ZFHX4: variants seen among roughly 807,000 people sequenced by gnomAD.
The protein encoded by ZFHX4 is zinc finger homeobox 4.
ZFHX4 carries 56 observed loss-of-function variants against 267.6 expected under a neutral mutation model. The observed-to-expected ratio is 0.21, with a 90% CI of 0.17 to 0.26. The LOEUF is 0.26. ZFHX4 is among the 10% of genes least tolerant of loss of function. ZFHX4 has a pLI of 1.00. For missense variants in ZFHX4, 4,332 were observed against 4,420.0 expected (o/e 0.98, Z 0.56); for synonymous variants, 1,778 against 1,665.6 (o/e 1.07, Z -1.64).
intron 3 of ZFHX4, among the ~76,000 whole-genome samples, chr8:76,752,438 T>C (rs950137733): frequency 6.7e-5 from 9 of 133,414 alleles, no homozygotes; most frequent in Non-Finnish European, 1.2e-4. Flanking sequence ...GGTCAGGAGT[T>C]CAAGACCAGC....
chr8:76,830,548 T>C (rs1409699660), intron 4 of ZFHX4, among the ~76,000 whole-genome samples: 2 of 152,200 alleles, frequency 1.3e-5, no homozygotes, highest in African/African-American at 4.8e-5. Flanking sequence ...TATAGATTCA[T>C]CATTTCATTT....
chr8:76,686,613 C>T (rs1048519222), intron 1 of ZFHX4, among the ~76,000 whole-genome samples: 2 of 152,000 alleles, frequency 1.3e-5, no homozygotes, highest in Non-Finnish European at 2.9e-5. Context: ...GCTGCTGACT[C>T]CTTTTCCCTT....
chr8:76,773,077 A>C (rs1810310098), intron 3 of ZFHX4, among the ~76,000 whole-genome samples: 1 of 152,128 alleles, frequency 6.6e-6, no homozygotes, highest in Non-Finnish European at 1.5e-5. Flanking sequence ...CGTCATCTGG[A>C]TCTTCAATGT....
intron 4 of ZFHX4, among the ~76,000 whole-genome samples, chr8:76,827,659 C>G (rs1811821852): frequency 1.3e-5 from 2 of 152,096 alleles, no homozygotes; most frequent in Admixed American, 6.5e-5. Flanking sequence ...TTTATTGAAA[C>G]TAATTTATAT....
chr8:76,706,739 G>T (rs922300273), intron 2 of ZFHX4, 61 bp downstream of exon 2: 2 of 1,449,128 alleles, frequency 1.4e-6, no homozygotes, highest in Non-Finnish European at 1.8e-6. Context: ...GATTTGGCGT[G>T]ATGCACCCAG....
At chr8:76,777,726 G>A (rs1023799959) in intron 3 of ZFHX4, among the ~76,000 whole-genome samples, 1 of 151,988 alleles carries the variant, frequency 6.6e-6, no homozygotes, top group African/African-American at 2.4e-5. Context: ...AATACCAAAT[G>A]CCATGCAATT....
At chr8:76,715,048 A>G (rs893669278) in intron 3 of ZFHX4, among the ~76,000 whole-genome samples, 2 of 152,184 alleles carry the variant, frequency 1.3e-5, no homozygotes, top group African/African-American at 4.8e-5. Context: ...TTGCATAGCA[A>G]GACTTTATTT....
intron 3 of ZFHX4, among the ~76,000 whole-genome samples, chr8:76,749,572 T>A (rs768083030): frequency 3.9e-5 from 6 of 152,218 alleles, no homozygotes; most frequent in Non-Finnish European, 8.8e-5. Flanking sequence ...TTCATGATTC[T>A]TTTTGAATGG....
In ZFHX4 at chr8:76,851,332, G is replaced by T; in HGVS notation, c.4411G>T (p.Ala1471Ser). Residue 1471 changes from alanine to serine, a missense_variant, in exon 10 of 11, where the codon GCA becomes TCA. Coordinates refer to ENST00000651372, the MANE Select transcript of ZFHX4 (RefSeq NM_024721.5). The part of the protein sequence containing the change: ...ASLPVNGELW[A>S]ESETMSQDDH... ...CTTGCCCGTGAATGGAGAACTGTGG[G>T]CAGAGAGCGAAACTATGTCCCAGGA... 2 of 1,613,730 alleles carry T rather than the reference G, an allele frequency of 1.2e-6. No homozygotes were observed. Among genetic ancestry groups the T allele is most frequent in the Non-Finnish European group, 1.7e-6 (2 of 1,179,810 alleles).
chr8:76,780,880 A>T (rs1242108385), intron 4 of ZFHX4, among the ~76,000 whole-genome samples: 1 of 152,086 alleles, frequency 6.6e-6, no homozygotes, highest in Non-Finnish European at 1.5e-5. Flanking sequence ...AACTTTCTTA[A>T]GTACCAGATT....
rs1176978962 is a variant in ZFHX4, at chr8:76,855,056, G to A, written c.8135G>A (p.Ser2712Asn). 1.2e-6 allele frequency: 2 copies of A among 1,613,884 alleles called. No individual in the cohort carries two copies. The highest frequency in any genetic ancestry group is 1.1e-5 in the South Asian group (1 of 91,080). ...GKQAGYSLPP[S>N]PLISTEDGGE... The stretch of plus-strand genomic sequence containing the variant: ...CAGGCAGGTTACAGCTTGCCACCAA[G>A]CCCTTTAATATCCACCGAAGATGGG... Residue 2712 changes from serine to asparagine, a missense_variant, in exon 10 of 11, where the codon AGC (serine) becomes AAC (asparagine). Around this residue, in one of 7 missense-constraint regions of ZFHX4, gnomAD observed 1,648 missense variants for 1,625.0 expected, o/e 1.01. Coordinates refer to ENST00000651372, the MANE Select transcript of ZFHX4 (RefSeq NM_024721.5).
intron 3 of ZFHX4, among the ~76,000 whole-genome samples, chr8:76,720,278 T>A (rs780695368): frequency 9.2e-5 from 14 of 152,180 alleles, no homozygotes; most frequent in Non-Finnish European, 1.9e-4. Flanking sequence ...TATGGGGTCC[T>A]TTGTGACTAG....
At chr8:76,738,673 C>G (rs1178078363) in intron 3 of ZFHX4, among the ~76,000 whole-genome samples, 1 of 134,364 alleles carries the variant, frequency 7.4e-6, no homozygotes, top group African/African-American at 2.8e-5. Context: ...CTCCCTCCCT[C>G]CCTTCCTCCC....
At chr8:76,747,171 T>G (rs1809480311) in intron 3 of ZFHX4, among the ~76,000 whole-genome samples, 1 of 152,198 alleles carries the variant, frequency 6.6e-6, no homozygotes, top group Non-Finnish European at 1.5e-5. Flanking sequence ...GTCAAATTCC[T>G]TTTAGGTATT....
intron 3 of ZFHX4, among the ~76,000 whole-genome samples, chr8:76,736,999 C>T (rs985899982): frequency 6.6e-6 from 1 of 152,228 alleles, no homozygotes; most frequent in African/African-American, 2.4e-5. Flanking sequence ...TTCTGCCTCC[C>T]TCCTGAAGCT....
In ZFHX4 at chr8:76,842,681, G is replaced by C; in HGVS notation, c.3421G>C (p.Ala1141Pro). 1 of 1,552,992 alleles carries C rather than the reference G, an allele frequency of 6.4e-7. No individual in the cohort carries two copies. Among genetic ancestry groups the C allele is most frequent in the Non-Finnish European group, 8.7e-7 (1 of 1,147,742 alleles). ...SEEQSEEAEG[A>P]IKPTAVAEDD... ...AGAACAAAGTGAGGAGGCAGAAGGA[G>C]CTATTAAGCCTACAGCAGTGGCCGA... is the stretch of plus-strand genomic sequence containing the variant. The change falls in exon 6 of 11, where the codon GCT (alanine) becomes CCT (proline). Residue 1141 changes from alanine to proline, a missense_variant. Around this residue, in one of 7 missense-constraint regions of ZFHX4, gnomAD observed 1,371 missense variants for 1,423.1 expected, o/e 0.96. Transcript: ENST00000651372.
Position 76,741,336 on chromosome 8 carries a change from C to T in ZFHX4, c.3093+33288C>T, listed in dbSNP as rs141954905. ...TGTGTTTAAATTCTGTGAATTTCAT[C>T]AGTTGAAAAACTACAGCTCTGTTAG... On this transcript the variant is annotated intron_variant, in intron 3 of 10. Coordinates refer to ENST00000651372, the MANE Select transcript of ZFHX4 (RefSeq NM_024721.5). Among the ~76,000 whole-genome samples the T allele has an allele frequency of 5.1e-3, 777 of 152,234 alleles. 10 individuals carry two copies. The highest frequency in any genetic ancestry group is 0.018 in the African/African-American group (728 of 41,554).
In ZFHX4 at chr8:76,731,171, AC is replaced by A. The variant is rs1453311418; in HGVS notation, c.3093+23124del. On this transcript the variant is annotated intron_variant, in intron 3 of 10. Transcript: ENST00000651372. The stretch of plus-strand genomic sequence containing the variant: ...GACTGTCCTGAGTATATACAAAAAC[AC>A]ACATTTTTCTCTCTGAAGAGTGTGT... Among the ~76,000 whole-genome samples, 4 of 152,318 alleles carry A rather than the reference AC, an allele frequency of 2.6e-5. No individual in the cohort carries two copies. The East Asian group carries it at 7.7e-4, about 29-fold the overall frequency.
chr8:76,813,363 A>G (rs1486781122), intron 4 of ZFHX4, among the ~76,000 whole-genome samples: 1 of 152,162 alleles, frequency 6.6e-6, no homozygotes, highest in African/African-American at 2.4e-5. Context: ...GAACTTTACA[A>G]AAGTTAGTGA....
Sources: allele counts gnomAD v4.1 joint callset (sites outside exome capture counted in the v4.1 genomes callset), GRCh38; gene constraint gnomAD v4.1.1; regional missense constraint gnomAD v4.1.1; transcripts MANE v1.5; gene names NCBI Gene and HGNC (gene_info 2026-07-23, HGNC 2026-07-21).